FRMD4A: variants seen among roughly 807,000 people sequenced by gnomAD.
FRMD4A encodes the protein FERM domain containing 4A, also known as FERM domain-containing protein 4A.
FRMD4A carries 29 observed loss-of-function variants against 129.1 expected under a neutral mutation model. The ratio of observed to expected loss-of-function variants is 0.22; its 90% confidence interval spans 0.17 to 0.31. The LOEUF is 0.31. Ranked by LOEUF, FRMD4A falls within the 10% of genes least tolerant of loss-of-function variation. FRMD4A has a pLI of 1.00. For synonymous variants in FRMD4A, 634 were observed against 571.6 expected (o/e 1.11, Z -1.56); for missense variants, 1,272 against 1,375.8 (o/e 0.92, Z 1.19).
intron 15 of FRMD4A, chr10:13,676,048 T>C (rs1043499893): frequency 1.3e-5 from 2 of 152,098 alleles, no homozygotes; most frequent in Non-Finnish European, 2.9e-5. Context: ...GGAAACCTTG[T>C]GGAAGGCAAA....
At chr10:13,797,266 A>C (rs911633739) in intron 4 of FRMD4A, among the ~76,000 whole-genome samples, 1 of 152,226 alleles carries the variant, frequency 6.6e-6, no homozygotes, top group African/African-American at 2.4e-5. Context: ...CTGAAAGCAC[A>C]CTTGAAAACA....
chr10:14,223,469 T>C (rs1843328821), intron 2 of FRMD4A, among the ~76,000 whole-genome samples: 1 of 152,084 alleles, frequency 6.6e-6, no homozygotes, highest in Non-Finnish European at 1.5e-5. Flanking sequence ...GGGCTGGGTA[T>C]GGTGACTCAT....
intron 5 of FRMD4A, among the ~76,000 whole-genome samples, chr10:13,790,694 G>A (rs552811304): frequency 3.7e-4 from 44 of 118,842 alleles, no homozygotes; most frequent in African/African-American, 1.3e-3. Flanking sequence ...GACCTCCAGT[G>A]ACCAGGGGGT....
intron 12 of FRMD4A, among the ~76,000 whole-genome samples, chr10:13,713,491 C>T (rs1433170230): frequency 6.6e-6 from 1 of 152,144 alleles, no homozygotes. Context: ...TTCCTTATTT[C>T]ATTTCTGCCC....
intron 2 of FRMD4A, among the ~76,000 whole-genome samples, chr10:14,015,992 T>G (rs886086106): frequency 3.3e-5 from 5 of 152,216 alleles, no homozygotes; most frequent in South Asian, 2.1e-4. Context: ...ACGGATCAAG[T>G]GCTGAGCCAA....
chr10:13,926,626 CAG>C (rs2095136230), intron 2 of FRMD4A, among the ~76,000 whole-genome samples: 1 of 152,178 alleles, frequency 6.6e-6, no homozygotes, highest in Non-Finnish European at 1.5e-5. Context: ...GCTGTTGAAA[CAG>C]AGTTTTGATT....
chr10:13,846,160 G>A (rs770712375), intron 3 of FRMD4A, among the ~76,000 whole-genome samples: 13 of 152,176 alleles, frequency 8.5e-5, no homozygotes, highest in Non-Finnish European at 1.9e-4. Flanking sequence ...CTAATATGAT[G>A]ATTAATCACT....
intron 21 of FRMD4A, among the ~76,000 whole-genome samples, chr10:13,657,787 G>A (rs1244695951): frequency 9.0e-6 from 1 of 110,960 alleles, no homozygotes; most frequent in Non-Finnish European, 1.9e-5. Context: ...TCGATTTCTG[G>A]GTTTTTTTTT....
At chr10:14,113,020 C>T (rs923157163) in intron 2 of FRMD4A, among the ~76,000 whole-genome samples, 1 of 152,064 alleles carries the variant, frequency 6.6e-6, no homozygotes, top group Admixed American at 6.5e-5. Flanking sequence ...GGAGAAGGAG[C>T]TTGGGGACCT....
At chr10:13,925,285 C>G (rs2095118555) in intron 2 of FRMD4A, among the ~76,000 whole-genome samples, 1 of 152,104 alleles carries the variant, frequency 6.6e-6, no homozygotes, top group African/African-American at 2.4e-5. Context: ...TGGGCCAAAA[C>G]AGATGGAGAT....
At position 13,645,227 on chromosome 10, in the gene FRMD4A, A is replaced by C. The variant is rs2081047485; in HGVS notation, c.*1811T>G. The C allele has an allele frequency of 6.6e-6, 1 of 151,672 alleles. No homozygotes were observed. Among genetic ancestry groups the C allele is most frequent in the South Asian group, 2.1e-4 (1 of 4,810 alleles). The allele number at this position is 151,672 out of a possible 1,614,324, so 9.4% of individuals were successfully genotyped here. ...GATTCCACATACATGAAAAGCGAAGATTTTTCTTTGTTTTTATGCTTAAGC... is the reference window on the plus strand; with the variant it reads ...GATTCCACATACATGAAAAGCGAAGCTTTTTCTTTGTTTTTATGCTTAAGC... On this transcript the variant is annotated 3_prime_UTR_variant, in exon 25 of 25. Transcript: ENST00000357447.
intron 2 of FRMD4A, among the ~76,000 whole-genome samples, chr10:14,162,645 T>TG (rs1435782874): frequency 7.4e-5 from 11 of 147,980 alleles, no homozygotes; most frequent in African/African-American, 2.1e-4. Flanking sequence ...TTTTTTGTTT[T>TG]TTTTTTTTTT....
intron 12 of FRMD4A, chr10:13,707,540 G>A (rs932096008): frequency 1.0e-6 from 1 of 1,000,896 alleles, no homozygotes; most frequent in Non-Finnish European, 1.2e-6. Flanking sequence ...AGGAGGGAGC[G>A]GTAGCCATCT....
At chr10:13,670,156 T>C (rs2083398093) in intron 17 of FRMD4A, among the ~76,000 whole-genome samples, 1 of 152,212 alleles carries the variant, frequency 6.6e-6, no homozygotes, top group Admixed American at 6.5e-5. Flanking sequence ...TCAACGTGGC[T>C]GCTTGCGCTA....
chr10:13,685,855 G>T (rs1043738873), intron 15 of FRMD4A, among the ~76,000 whole-genome samples: 4 of 152,202 alleles, frequency 2.6e-5, no homozygotes, highest in African/African-American at 7.2e-5. Context: ...ATTGTCATTT[G>T]GTCCTGGTTC....
At chr10:13,670,349 C>T in intron 17 of FRMD4A, 57 bp downstream of exon 17, 3 of 1,578,662 alleles carry the variant, frequency 1.9e-6, no homozygotes, top group African/African-American at 1.3e-5. Context: ...AAGGCCTGAC[C>T]AATGGGAAAA....
At chr10:13,759,260 A>C (rs1247105515) in intron 8 of FRMD4A, among the ~76,000 whole-genome samples, 1 of 152,190 alleles carries the variant, frequency 6.6e-6, no homozygotes, top group Non-Finnish European at 1.5e-5. Context: ...TAGCAGTAGC[A>C]CTTTGACAAA....
chr10:13,841,587 T>C (rs910306037), intron 3 of FRMD4A, among the ~76,000 whole-genome samples: 21 of 152,182 alleles, frequency 1.4e-4, no homozygotes, highest in African/African-American at 4.8e-4. Context: ...TGAGACTCAG[T>C]GGAGCCTTCC....
intron 3 of FRMD4A, among the ~76,000 whole-genome samples, chr10:13,827,089 AT>A (rs2093712376): frequency 6.6e-6 from 1 of 152,248 alleles, no homozygotes; most frequent in Non-Finnish European, 1.5e-5. Flanking sequence ...GACAAAGTCC[AT>A]TGAAGACGGT....
Sources: gnomAD v4.1 joint callset for allele counts (sites outside exome capture counted in the v4.1 genomes callset) on GRCh38, gnomAD v4.1.1 for gene constraint, MANE v1.5 for transcripts, NCBI Gene and HGNC (gene_info 2026-07-23, HGNC 2026-07-21) for gene names.